The following MYCBPAP variants were observed in gnomAD, a reference collection of about 807,000 sequenced individuals.
MYCBPAP encodes the protein MYCBP associated protein, also known as MYCBP-associated protein.
In MYCBPAP, 60 loss-of-function variants were observed where a neutral mutation model predicts 106.1. That is an observed-to-expected ratio of 0.57 (90% CI 0.46 to 0.70). The LOEUF is 0.70. Among genes scored for constraint, MYCBPAP ranks in the 30% least tolerant of loss-of-function variants. The probability of loss-of-function intolerance (pLI) is 0.00; values close to 1 mark genes in which losing one functional copy is unlikely to be tolerated. For synonymous variants in MYCBPAP, 407 were observed against 440.6 expected (o/e 0.92, Z 0.95); for missense variants, 1,064 against 1,169.3 (o/e 0.91, Z 1.31).
chr17:50,508,886 G>A, intron 1 of MYCBPAP, 136 bp downstream of exon 1: 1 of 846,498 alleles, frequency 1.2e-6, no homozygotes, highest in South Asian at 1.4e-5. Flanking sequence ...GTGGGGTACT[G>A]GGCATAGGAC....
chr17:50,518,739 C>T lies in MYCBPAP; in HGVS notation c.652+15C>T. The T allele has an allele frequency of 6.4e-7, 1 of 1,559,936 alleles. No homozygotes were observed. The highest frequency in any genetic ancestry group is 8.6e-7 in the Non-Finnish European group (1 of 1,156,614). On this transcript the variant is annotated intron_variant, in intron 5 of 18. Transcript: ENST00000323776. ...AGCCCTCAGCGGTGAGCAGAGCAGA[C>T]AGGGCTCCCGCCCGGCCTCCATCTG...
At chr17:50,521,275 G>C in intron 8 of MYCBPAP, 41 bp from the exon 9 acceptor site, 1 of 1,594,098 alleles carries the variant, frequency 6.3e-7, no homozygotes, top group Non-Finnish European at 8.6e-7. Flanking sequence ...GGCGATGCCT[G>C]TCTTCAGTCA....
At chr17:50,522,709 A>AAAAAAATATATATATATATATATAT in intron 10 of MYCBPAP, 8 of 50,034 alleles carry the variant, frequency 1.6e-4, no homozygotes, top group African/African-American at 6.0e-4. Flanking sequence ...AAAAAAAAAA[A>AAAAAAATATATATATATATATATAT]ATATATATAT....
intron 16 of MYCBPAP, among the ~76,000 whole-genome samples, 191 bp downstream of exon 16, chr17:50,528,461 C>T (rs2034529398): frequency 1.3e-5 from 2 of 152,206 alleles, no homozygotes; most frequent in South Asian, 2.1e-4. Context: ...TAGTGACCAC[C>T]TTGGTTTAGT....
intron 12 of MYCBPAP, 131 bp from the exon 13 acceptor site, chr17:50,524,746 G>GAGAGAA: frequency 1.2e-6 from 1 of 834,110 alleles, no homozygotes. Context: ...GTGAGAGAGA[G>GAGAGAA]AGAGAGAGAG....
At chr17:50,527,509 G>A (rs967153950) in intron 15 of MYCBPAP, 101 bp downstream of exon 15, 76 of 1,474,154 alleles carry the variant, frequency 5.2e-5, no homozygotes, top group African/African-American at 1.8e-4. Flanking sequence ...CTGAGCTTCC[G>A]TTGAGCTCAG....
At chr17:50,522,114 G>A (rs778032479) in intron 10 of MYCBPAP, 33 bp downstream of exon 10, 1 of 1,575,760 alleles carries the variant, frequency 6.3e-7, no homozygotes, top group East Asian at 2.3e-5. Context: ...TGCTGGGAGA[G>A]CCTCCCTCAG....
In MYCBPAP at chr17:50,521,241, A is replaced by G. The variant is rs1229691734; in HGVS notation, c.1032+16A>G. ...CAGCCAGCAGGTTGGTATGGCCTCCATGCCCCAGTCAGAAGCCCCTTGGGG... is the reference window on the plus strand; with the variant it reads ...CAGCCAGCAGGTTGGTATGGCCTCCGTGCCCCAGTCAGAAGCCCCTTGGGG... On this transcript the variant is annotated intron_variant, in intron 8 of 18. Transcript: ENST00000323776. The G allele has an allele frequency of 1.3e-5, 21 of 1,606,132 alleles. No homozygotes were observed. The highest frequency in any genetic ancestry group is 2.2e-5 in the East Asian group (1 of 44,736).
intron 18 of MYCBPAP, chr17:50,529,919 GTGT>G (rs1567898892): frequency 6.8e-6 from 3 of 440,948 alleles, no homozygotes; most frequent in South Asian, 4.7e-5. Context: ...TTGTTTGTTA[GTGT>G]TGTTGTTTGT....
At chr17:50,516,490 T>C (rs1043151884) in intron 1 of MYCBPAP, 80 bp from the exon 2 acceptor site, 45 of 1,492,762 alleles carry the variant, frequency 3.0e-5, no homozygotes, top group Non-Finnish European at 3.6e-5. Flanking sequence ...TATATATTTT[T>C]ACTTTTATTT....
In MYCBPAP at chr17:50,531,415, G is replaced by A. The variant is rs777977127; in HGVS notation, c.2813G>A (p.Arg938His). The change falls in exon 19 of 19, where the codon CGC (arginine) becomes CAC (histidine). Residue 938 changes from arginine (R) to histidine (H), a missense_variant. Transcript: ENST00000323776. ...SPIKNVEEAL[R>H]LCR ...ATAAAGAATGTCGAGGAGGCTTTGC[G>A]CCTCTGCAGGTGACTCTCGGGCCCA... 34 of 1,610,590 alleles carry A rather than the reference G, an allele frequency of 2.1e-5. No homozygotes were observed. The highest frequency in any genetic ancestry group is 9.0e-5 in the East Asian group (4 of 44,668).
intron 1 of MYCBPAP, chr17:50,510,495 GTGTGTATATATATATATATA>G (rs2033794431): frequency 1.1e-5 from 1 of 93,068 alleles, no homozygotes; most frequent in Non-Finnish European, 2.1e-5. Context: ...GTGTGTGTGT[GTGTGTATATATATATATATA>G]TATATATATA....
intron 1 of MYCBPAP, among the ~76,000 whole-genome samples, chr17:50,512,109 A>C (rs949950389): frequency 2.1e-5 from 3 of 142,962 alleles, no homozygotes; most frequent in Non-Finnish European, 4.5e-5. Flanking sequence ...TCTGGAGTGC[A>C]GTGGTGCAAA....
intron 1 of MYCBPAP, among the ~76,000 whole-genome samples, chr17:50,512,525 G>A (rs1229127705): frequency 6.6e-6 from 1 of 152,164 alleles, no homozygotes; most frequent in African/African-American, 2.4e-5. Flanking sequence ...CTCTGCAGCT[G>A]TTCCTCTGAA....
At position 50,508,709 on chromosome 17, in the gene MYCBPAP, T is replaced by G. The variant is rs1252864207; in HGVS notation, c.35T>G (p.Ile12Arg). The change falls in exon 1 of 19, where the codon ATA becomes AGA. Residue 12 changes from isoleucine to arginine, a missense_variant. By Grantham distance (97) the Ile-to-Arg change is moderately conservative. Coordinates refer to ENST00000323776, the MANE Select transcript of MYCBPAP (RefSeq NM_032133.6). ...CTAAAGAAGGATTCCCGCCTCAGAA[T>G]AACTCCGACCAGATTATTAGAGGCC... ...KSLKKDSRLR[I>R]TPTRLLEASE... 6.2e-7 allele frequency: 1 copy of G among 1,611,940 alleles called. No homozygotes were observed. The highest frequency in any genetic ancestry group is 8.5e-7 in the Non-Finnish European group (1 of 1,178,992).
In MYCBPAP at chr17:50,513,007, A is replaced by G. The variant is rs145428287; in HGVS notation, c.77-3563A>G. Among the ~76,000 whole-genome samples the G allele has an allele frequency of 5.8e-3, 882 of 152,150 alleles. 6 individuals are homozygous for G. The highest frequency in any genetic ancestry group is 0.02 in the African/African-American group (839 of 41,494). On this transcript the variant is annotated intron_variant, in intron 1 of 18. Transcript: ENST00000323776. ...TGAGGCAGGTGGATCATATGAGGCC[A>G]GGAGTTCAAGACCAGCCTAGCCAAC...
chr17:50,510,491 GTGTGTGTGTATATATATA>G lies in MYCBPAP; in HGVS notation c.76+1743_76+1760del, dbSNP rs1219734351. Reference sequence around the variant, plus strand: ...TGTATATATGTGTGTGTGTGTGTGTGTGTGTGTGTATATATATATATATATATATATATATATATATAT... The same window carrying G: ...TGTATATATGTGTGTGTGTGTGTGTGTATATATATATATATATATATATAT... On this transcript the variant is annotated intron_variant, in intron 1 of 18. Coordinates refer to ENST00000323776, the MANE Select transcript of MYCBPAP (RefSeq NM_032133.6). 145 of 113,824 alleles carry G rather than the reference GTGTGTGTGTATATATATA, an allele frequency of 1.3e-3. 3 individuals are homozygous for G. Among genetic ancestry groups the G allele is most frequent in the African/African-American group, 4.3e-3 (138 of 32,076 alleles). The allele number at this position is 113,824 out of a possible 1,614,324, so 7.1% of individuals were successfully genotyped here. A position where few individuals can be genotyped will look rare whatever the true frequency, so the allele number is the denominator to read the frequency against.
chr17:50,508,239 A>G (rs2050702530), upstream of MYCBPAP: 1 of 310,130 alleles, frequency 3.2e-6, no homozygotes, highest in Non-Finnish European at 5.9e-6. Context: ...GGCACCCCCG[A>G]CGCCCCACCC....
intron 2 of MYCBPAP, 31 bp downstream of exon 2, chr17:50,516,728 T>C (rs1224523235): frequency 3.9e-5 from 63 of 1,612,280 alleles, no homozygotes; most frequent in Non-Finnish European, 4.9e-5. Context: ...TCCCTTACCA[T>C]AGAAACGTTT....
Sources: gnomAD v4.1 joint callset for allele counts (sites outside exome capture counted in the v4.1 genomes callset) on GRCh38, gnomAD v4.1.1 for gene constraint, MANE v1.5 for transcripts, NCBI Gene and HGNC (gene_info 2026-07-23, HGNC 2026-07-21) for gene names.